Variants in UBE2E2 observed in about 807,000 individuals in gnomAD.
UBE2E2 encodes the protein ubiquitin conjugating enzyme E2 E2, also known as ubiquitin-conjugating enzyme E2 E2.
A neutral mutation model predicts 24.7 loss-of-function variants in UBE2E2; 6 were observed. The ratio of observed to expected loss-of-function variants is 0.24; its 90% CI spans 0.13 to 0.48. The LOEUF (loss-of-function observed/expected upper bound fraction) is 0.48, where lower values mean the gene tolerates loss of function less well. Ranked by LOEUF, UBE2E2 falls within the 20% of genes least tolerant of loss-of-function variation. The pLI, the probability that UBE2E2 is intolerant of heterozygous loss-of-function variation, is 0.99. For synonymous variants in UBE2E2, 104 were observed against 83.6 expected (o/e 1.24, Z -1.33); for missense variants, 169 against 245.0 (o/e 0.69, Z 2.07).
At chr3:23,382,178 A>ATTTTTTTTTT (rs10645761) in intron 3 of UBE2E2, among the ~76,000 whole-genome samples, 7 of 110,810 alleles carry the variant, frequency 6.3e-5, no homozygotes, top group Middle Eastern at 6.8e-3. Flanking sequence ...GAATACTTTA[A>ATTTTTTTTTT]TTTTTTTTTT....
intron 5 of UBE2E2, among the ~76,000 whole-genome samples, chr3:23,565,444 C>CTTTTTTTTT (rs574461544): frequency 2.2e-5 from 1 of 46,234 alleles, no homozygotes; most frequent in Non-Finnish European, 3.8e-5. Context: ...ATAGGCATGG[C>CTTTTTTTTT]TTTTTTTTTT....
At chr3:23,491,199 C>T (rs75377494) in intron 3 of UBE2E2, among the ~76,000 whole-genome samples, 4,397 of 152,254 alleles carry the variant, frequency 0.029, 110 homozygotes, top group East Asian at 0.13. Context: ...TACAGGGAAT[C>T]TCAGGAGTCT....
At chr3:23,203,280 C>G, upstream of UBE2E2, 1 of 987,894 alleles carries the variant, frequency 1.0e-6, no homozygotes, top group Non-Finnish European at 1.2e-6. Flanking sequence ...CGGGCGGGCG[C>G]GAGCGCGGCG....
intron 3 of UBE2E2, among the ~76,000 whole-genome samples, chr3:23,264,295 T>TA (rs1697983559): frequency 6.6e-6 from 1 of 151,288 alleles, no homozygotes; most frequent in Non-Finnish European, 1.5e-5. Context: ...ACACAGCTAT[T>TA]ATAGCTGGAC....
intron 3 of UBE2E2, among the ~76,000 whole-genome samples, chr3:23,364,562 A>G (rs1033902146): frequency 6.6e-6 from 1 of 152,178 alleles, no homozygotes; most frequent in Non-Finnish European, 1.5e-5. Context: ...CGACCTCCCA[A>G]GATTGAACCA....
At chr3:23,306,469 C>G (rs755322590) in intron 3 of UBE2E2, among the ~76,000 whole-genome samples, 52 of 152,132 alleles carry the variant, frequency 3.4e-4, no homozygotes, top group Admixed American at 2.0e-4. Flanking sequence ...TGGTATATGT[C>G]TAAGTATCAA....
intron 3 of UBE2E2, among the ~76,000 whole-genome samples, chr3:23,401,204 A>C (rs1020597473): frequency 2.0e-5 from 3 of 152,324 alleles, no homozygotes; most frequent in Admixed American, 2.0e-4. Flanking sequence ...AGGTAACAGG[A>C]GAAAGATCAA....
chr3:23,572,263 G>T (rs1696246862), intron 5 of UBE2E2, among the ~76,000 whole-genome samples: 1 of 152,112 alleles, frequency 6.6e-6, no homozygotes, highest in South Asian at 2.1e-4. Context: ...CCTATAATTA[G>T]TAGTCAGGTT....
chr3:23,382,532 A>G (rs778375321), intron 3 of UBE2E2, among the ~76,000 whole-genome samples: 2 of 152,228 alleles, frequency 1.3e-5, no homozygotes, highest in African/African-American at 2.4e-5. Flanking sequence ...TATTAATGGC[A>G]TATTTGGGAG....
chr3:23,505,729 TTTG>T (rs999720964), intron 4 of UBE2E2, among the ~76,000 whole-genome samples: 4 of 152,208 alleles, frequency 2.6e-5, no homozygotes, highest in Non-Finnish European at 4.4e-5. Context: ...TATGGGTTTG[TTTG>T]TTGTTATTTT....
intron 4 of UBE2E2, among the ~76,000 whole-genome samples, chr3:23,525,216 TA>T (rs1230920496): frequency 2.0e-5 from 3 of 152,178 alleles, no homozygotes; most frequent in Non-Finnish European, 4.4e-5. Flanking sequence ...TAATCCAGGA[TA>T]ATCACCCCCA....
chr3:23,451,388 G>A (rs1210786084), intron 3 of UBE2E2, among the ~76,000 whole-genome samples: 1 of 152,100 alleles, frequency 6.6e-6, no homozygotes, highest in Non-Finnish European at 1.5e-5. Context: ...GAAACATCCT[G>A]AGCAATACTT....
chr3:23,547,175 G>A (rs1344535805), intron 5 of UBE2E2, among the ~76,000 whole-genome samples: 1 of 152,176 alleles, frequency 6.6e-6, no homozygotes. Flanking sequence ...TCTCAAGAGA[G>A]GAATAACTGT....
At chr3:23,365,293 G>A (rs972744393) in intron 3 of UBE2E2, among the ~76,000 whole-genome samples, 5 of 151,834 alleles carry the variant, frequency 3.3e-5, no homozygotes, top group Non-Finnish European at 7.4e-5. Context: ...GGCAAGAGAA[G>A]AGCAATGCCA....
chr3:23,349,443 G>A (rs1014576712), intron 3 of UBE2E2, among the ~76,000 whole-genome samples: 23 of 152,216 alleles, frequency 1.5e-4, no homozygotes, highest in African/African-American at 5.3e-4. Flanking sequence ...TGCCTCACTC[G>A]GGAAGCGCAA....
chr3:23,433,016 T>C (rs964216270), intron 3 of UBE2E2, among the ~76,000 whole-genome samples: 10 of 151,976 alleles, frequency 6.6e-5, no homozygotes, highest in African/African-American at 2.4e-4. Context: ...AACAGAACTT[T>C]TAACTTATGA....
chr3:23,266,482 T>C (rs1242326215), intron 3 of UBE2E2, among the ~76,000 whole-genome samples: 1 of 152,164 alleles, frequency 6.6e-6, no homozygotes, highest in Non-Finnish European at 1.5e-5. Flanking sequence ...CCCTCTCTTC[T>C]GGCTTGTAGA....
chr3:23,312,358 C>G (rs929049803), intron 3 of UBE2E2, among the ~76,000 whole-genome samples: 2 of 152,078 alleles, frequency 1.3e-5, no homozygotes, highest in African/African-American at 4.8e-5. Context: ...TAAATGTATT[C>G]CTTCCCACAA....
At chr3:23,434,282 C>A (rs1489919014) in intron 3 of UBE2E2, among the ~76,000 whole-genome samples, 2 of 152,074 alleles carry the variant, frequency 1.3e-5, no homozygotes, top group Admixed American at 6.6e-5. Flanking sequence ...AAAAAGATCT[C>A]AATGTAACAT....
Sources: gnomAD v4.1 joint callset for allele counts (sites outside exome capture counted in the v4.1 genomes callset) on GRCh38, gnomAD v4.1.1 for gene constraint, MANE v1.5 for transcripts, NCBI Gene and HGNC (gene_info 2026-07-23, HGNC 2026-07-21) for gene names.